Variants in CLSTN2 observed in about 807,000 individuals in gnomAD.
CLSTN2 encodes the protein calsyntenin-2.
In CLSTN2, 48 loss-of-function variants were observed where a neutral mutation model predicts 101.2. The ratio of observed to expected loss-of-function variants is 0.47; its 90% CI spans 0.38 to 0.60. CLSTN2 has a LOEUF of 0.60. CLSTN2 is among the 20% of genes least tolerant of loss of function. CLSTN2 has a pLI of 0.00. For missense variants in CLSTN2, 1,160 were observed against 1,238.2 expected, an observed-to-expected ratio of 0.94 and a Z score of 0.95; for synonymous variants, 481 against 463.6, an observed-to-expected ratio of 1.04 and a Z score of -0.48.
chr3:140,310,583 G>T (rs2087158592), intron 2 of CLSTN2, among the ~76,000 whole-genome samples: 1 of 152,106 alleles, frequency 6.6e-6, no homozygotes, highest in Non-Finnish European at 1.5e-5. Context: ...CTCAGTCAGG[G>T]TGCTTAGCTC....
intron 8 of CLSTN2, among the ~76,000 whole-genome samples, chr3:140,529,247 C>T (rs193023123): frequency 5.4e-4 from 83 of 152,314 alleles, no homozygotes; most frequent in Middle Eastern, 3.4e-3. Context: ...ATCCCTGGGT[C>T]TCTGGTCTCT....
chr3:140,574,937 C>T lies in CLSTN2; in HGVS notation c.*8684C>T, dbSNP rs750157477. 3.3e-5 allele frequency: 5 copies of T among 152,148 alleles called. No homozygotes were observed. Among genetic ancestry groups the T allele is most frequent in the Non-Finnish European group, 7.3e-5 (5 of 68,034 alleles). 9.4% of individuals were successfully genotyped at this position (152,148 alleles called of 1,614,324 possible). On this transcript the variant is annotated 3_prime_UTR_variant, in exon 17 of 17. Transcript: ENST00000458420. ...CTCTGTGAGGAGGGCCTTGCTTGTG[C>T]CTGTGGGTCATGGATGTTAATATAA...
chr3:140,495,356 G>A (rs1460841184), intron 8 of CLSTN2, among the ~76,000 whole-genome samples: 3 of 151,970 alleles, frequency 2.0e-5, no homozygotes, highest in Non-Finnish European at 1.5e-5. Context: ...TAGGCTCTGG[G>A]TATTAGACCC....
chr3:140,341,393 A>G (rs1221146866), intron 2 of CLSTN2, among the ~76,000 whole-genome samples: 1 of 152,178 alleles, frequency 6.6e-6, no homozygotes, highest in Non-Finnish European at 1.5e-5. Flanking sequence ...CCTGCCTTGC[A>G]GAGGGTGTAT....
Position 139,994,596 on chromosome 3 carries a change from C to A in CLSTN2, c.109+59113C>A, listed in dbSNP as rs550712879. 2.6e-5 allele frequency among the ~76,000 whole-genome samples: 4 copies of A among 152,294 alleles called. No homozygotes were observed. The South Asian group carries it at 8.3e-4, about 32-fold the overall frequency. On this transcript the variant is annotated intron_variant, in intron 1 of 16. Transcript: ENST00000458420. ...ACTGAGATCCTGGGCTGCAAGCAAA[C>A]CTTCCAGGATACACAGTTCCCTTGA...
chr3:140,173,177 G>T (rs982553261), intron 1 of CLSTN2, among the ~76,000 whole-genome samples: 1 of 152,210 alleles, frequency 6.6e-6, no homozygotes, highest in African/African-American at 2.4e-5. Context: ...TGCAGACATT[G>T]GGTAAATACA....
intron 2 of CLSTN2, among the ~76,000 whole-genome samples, chr3:140,233,289 G>A (rs779387906): frequency 7.2e-5 from 11 of 152,120 alleles, no homozygotes; most frequent in Non-Finnish European, 1.2e-4. Context: ...CTCCGCATTC[G>A]CCAAGTCCTC....
chr3:139,951,213 C>T (rs1437714226), intron 1 of CLSTN2, among the ~76,000 whole-genome samples: 9 of 152,184 alleles, frequency 5.9e-5, no homozygotes, highest in Admixed American at 4.6e-4. Flanking sequence ...CTCACCATTT[C>T]CTGGTTCTAA....
At position 140,229,393 on chromosome 3, in the gene CLSTN2, A is replaced by G. The variant is rs202213631; in HGVS notation, c.232+53320A>G. Among the ~76,000 whole-genome samples the G allele has an allele frequency of 4.6e-5, 7 of 152,246 alleles. No individual in the cohort carries two copies. In the East Asian group the frequency reaches 7.8e-4, roughly 17 times the overall value. ...TGTTCCACTCACTGTCTGTGTTCCAAACTGGTCACTTAGATGCTGGAGCTG... is the reference window on the plus strand; with the variant it reads ...TGTTCCACTCACTGTCTGTGTTCCAGACTGGTCACTTAGATGCTGGAGCTG... On this transcript the variant is annotated intron_variant, in intron 2 of 16. Transcript: ENST00000458420.
At chr3:140,135,749 G>A (rs534679688) in intron 1 of CLSTN2, among the ~76,000 whole-genome samples, 31 of 152,254 alleles carry the variant, frequency 2.0e-4, no homozygotes, top group African/African-American at 6.5e-4. Flanking sequence ...CGGAGTATAT[G>A]GCTCAACTAT....
At chr3:140,084,125 G>C (rs770541848) in intron 1 of CLSTN2, among the ~76,000 whole-genome samples, 1 of 152,246 alleles carries the variant, frequency 6.6e-6, no homozygotes, top group Non-Finnish European at 1.5e-5. Context: ...GTCACATCCC[G>C]ATGAATCAGC....
rs559211447 is a variant in CLSTN2 at position 140,055,561 on chromosome 3, C to A, written c.109+120078C>A. 3.9e-5 allele frequency among the ~76,000 whole-genome samples: 6 copies of A among 152,278 alleles called. No individual in the cohort carries two copies. In the South Asian group the frequency reaches 1.0e-3, roughly 26 times the overall value. On this transcript the variant is annotated intron_variant, in intron 1 of 16. Coordinates refer to ENST00000458420, the MANE Select transcript of CLSTN2 (RefSeq NM_022131.3). ...GCGTAAACCTTGGTTTCTGTACATG[C>A]AACAAGGAAATAACAATGCTTGCCT...
chr3:140,129,857 A>G (rs2009496083), intron 1 of CLSTN2, among the ~76,000 whole-genome samples: 1 of 152,162 alleles, frequency 6.6e-6, no homozygotes, highest in Non-Finnish European at 1.5e-5. Flanking sequence ...TGAGTGATGC[A>G]TCGTGGAGCC....
At position 140,562,277 on chromosome 3, in the gene CLSTN2, C is replaced by T. The variant is rs1935932127; in HGVS notation, c.2181C>T (p.Ala727=). 6.2e-7 allele frequency: 1 copy of T among 1,613,684 alleles called. No homozygotes were observed. The highest frequency in any genetic ancestry group is 1.3e-5 in the African/African-American group (1 of 74,910). The part of the protein sequence containing the change: ...HSELHQRHLD[A]TNSTAGYSIY... ...AGCTCCACCAACGACACCTGGATGCCACTAATTCTACTGCAGGCTACTCCA... is the reference window on the plus strand; with the variant it reads ...AGCTCCACCAACGACACCTGGATGCTACTAATTCTACTGCAGGCTACTCCA... Residue 727 remains alanine (A), a synonymous_variant, in exon 13 of 17, where the codon GCC becomes GCT. Transcript: ENST00000458420.
intron 1 of CLSTN2, among the ~76,000 whole-genome samples, chr3:140,031,733 T>G (rs975845522): frequency 6.6e-6 from 1 of 152,214 alleles, no homozygotes; most frequent in African/African-American, 2.4e-5. Context: ...ACTCAGAAGC[T>G]GTTTGTTAGA....
chr3:140,484,989 T>A, intron 8 of CLSTN2, among the ~76,000 whole-genome samples: 1 of 152,246 alleles, frequency 6.6e-6, no homozygotes. Context: ...CCAGCTTTGT[T>A]CCATTGCTGG....
intron 1 of CLSTN2, among the ~76,000 whole-genome samples, chr3:140,116,850 A>G (rs2350497): frequency 0.87 from 132,677 of 152,152 alleles, 58,147 homozygotes; most frequent in African/African-American, 0.96. Flanking sequence ...GCACCCATAC[A>G]CCTCTCAGTT....
At chr3:140,540,430 T>TA (rs1935452671) in intron 9 of CLSTN2, among the ~76,000 whole-genome samples, 1 of 152,210 alleles carries the variant, frequency 6.6e-6, no homozygotes, top group Non-Finnish European at 1.5e-5. Flanking sequence ...AAGCTGCACT[T>TA]ATAGGGGTCT....
At position 139,978,641 on chromosome 3, in the gene CLSTN2, TGGGGGATTGTGTGTGTGTGTGTGTGTGTG is replaced by T. The variant is rs1184980625; in HGVS notation, c.109+43159_109+43187del. ...CTAACTCTGCTGGGAGGATGGGGGA[TGGGGGATTGTGTGTGTGTGTGTGTGTGTG>T]TGTGTGTGTGTGTGTGTGTGTGTGT... On this transcript the variant is annotated intron_variant, in intron 1 of 16. Transcript: ENST00000458420. Among the ~76,000 whole-genome samples the T allele has an allele frequency of 3.2e-3, 402 of 126,268 alleles. 4 individuals are homozygous for T. The highest frequency in any genetic ancestry group is 0.012 in the African/African-American group (375 of 31,988). 82.8% of individuals were successfully genotyped at this position (126,268 alleles called of 152,430 possible). A position where few individuals can be genotyped will look rare whatever the true frequency, so the allele number is the denominator to read the frequency against.
Sources: allele counts gnomAD v4.1 joint callset (sites outside exome capture counted in the v4.1 genomes callset), GRCh38; gene constraint gnomAD v4.1.1; transcripts MANE v1.5; gene names NCBI Gene and HGNC (gene_info 2026-07-23, HGNC 2026-07-21).